Variants in FANCL observed in about 807,000 individuals in gnomAD.
The protein encoded by FANCL is FA complementation group L.
Under a neutral mutation model 59.4 loss-of-function variants are expected in FANCL, and 69 were observed. That is an observed-to-expected ratio of 1.16 (90% CI 0.96 to 1.42). The LOEUF (loss-of-function observed/expected upper bound fraction) is 1.42. Ranked by LOEUF, FANCL falls within the 40% of genes most tolerant of loss-of-function variation. The pLI, the probability that FANCL is intolerant of heterozygous loss-of-function variation, is 0.00. For synonymous variants in FANCL, 180 were observed against 147.1 expected, an observed-to-expected ratio of 1.22 and a Z score of -1.62; for missense variants, 519 against 447.2, an observed-to-expected ratio of 1.16 and a Z score of -1.45.
intron 7 of FANCL, among the ~76,000 whole-genome samples, chr2:58,178,462 CAG>C (rs1687589990): frequency 6.6e-6 from 1 of 152,150 alleles, no homozygotes; most frequent in Admixed American, 6.5e-5. Context: ...ATCACACAAA[CAG>C]AACCAAAAAC....
At chr2:58,176,943 A>G (rs1275625170) in intron 7 of FANCL, among the ~76,000 whole-genome samples, 1 of 152,102 alleles carries the variant, frequency 6.6e-6, no homozygotes, top group Admixed American at 6.5e-5. Context: ...AGAAAAAAAC[A>G]AACAACCCCA....
chr2:58,194,248 ACATCCATTTTTG>A, intron 7 of FANCL: 1 of 471,134 alleles, frequency 2.1e-6, no homozygotes, highest in East Asian at 6.9e-5. Flanking sequence ...CGCAATTTTC[ACATCCATTTTTG>A]CTTGATCAGT....
At chr2:58,171,670 G>T (rs1300004193) in intron 7 of FANCL, among the ~76,000 whole-genome samples, 1 of 152,204 alleles carries the variant, frequency 6.6e-6, no homozygotes. Context: ...AGCTCCCAGG[G>T]TGAGCGACGC....
intron 4 of FANCL, among the ~76,000 whole-genome samples, chr2:58,224,706 TAGAC>T (rs992897847): frequency 4.6e-5 from 7 of 151,672 alleles, no homozygotes; most frequent in African/African-American, 1.2e-4. Context: ...TAACAACACA[TAGAC>T]AGGAAAAGCA....
intron 7 of FANCL, among the ~76,000 whole-genome samples, chr2:58,182,248 T>C (rs1307065202): frequency 6.6e-6 from 1 of 151,872 alleles, no homozygotes; most frequent in Non-Finnish European, 1.5e-5. Context: ...ATACAAATTC[T>C]ATTCCACCCA....
chr2:58,223,082 C>T (rs776061969), intron 4 of FANCL, among the ~76,000 whole-genome samples: 5 of 147,578 alleles, frequency 3.4e-5, no homozygotes, highest in Admixed American at 6.8e-5. Context: ...AACAGCACTT[C>T]AAAACCAAAA....
chr2:58,208,681 T>A (rs1181983895), intron 5 of FANCL, among the ~76,000 whole-genome samples: 7 of 152,172 alleles, frequency 4.6e-5, no homozygotes, highest in African/African-American at 1.7e-4. Flanking sequence ...GCATCCAAGT[T>A]TCCACTTTTA....
rs574714203 is a variant in FANCL, at chr2:58,204,331, A to C, written c.375-105T>G. On this transcript the variant is annotated intron_variant, in intron 5 of 13. Transcript: ENST00000233741. The stretch of plus-strand genomic sequence containing the variant: ...GAAAATATTTGCTATATTCCTATTA[A>C]TCCATTATAAAAATCAGAGCAATTT... 3.5e-5 allele frequency: 31 copies of C among 888,198 alleles called. No individual in the cohort carries two copies. In the South Asian group the frequency reaches 3.7e-4, roughly 11 times the overall value. The allele number at this position is 888,198 out of a possible 1,614,324, so 55.0% of individuals were successfully genotyped here. A position where few individuals can be genotyped will look rare whatever the true frequency, so the allele number is the denominator to read the frequency against.
chr2:58,177,570 G>C (rs1286622669), intron 7 of FANCL, among the ~76,000 whole-genome samples: 1 of 136,752 alleles, frequency 7.3e-6, no homozygotes, highest in Non-Finnish European at 1.5e-5. Context: ...TCATAGGTGG[G>C]AATTGAACAA....
At chr2:58,224,437 G>T (rs1692779734) in intron 4 of FANCL, among the ~76,000 whole-genome samples, 1 of 151,498 alleles carries the variant, frequency 6.6e-6, no homozygotes, top group South Asian at 2.1e-4. Flanking sequence ...TATTAATTAG[G>T]ATTTATGAAC....
intron 7 of FANCL, among the ~76,000 whole-genome samples, chr2:58,191,837 A>G (rs1688951349): frequency 6.6e-6 from 1 of 151,980 alleles, no homozygotes; most frequent in Non-Finnish European, 1.5e-5. Flanking sequence ...GTACATTTGT[A>G]CAGCATTTTA....
intron 7 of FANCL, among the ~76,000 whole-genome samples, chr2:58,173,294 A>G (rs923170469): frequency 3.3e-5 from 5 of 152,232 alleles, no homozygotes; most frequent in African/African-American, 1.2e-4. Flanking sequence ...GAATGCCACA[A>G]AGATACTCTC....
intron 7 of FANCL, among the ~76,000 whole-genome samples, chr2:58,177,300 T>C (rs1317734329): frequency 6.6e-6 from 1 of 152,170 alleles, no homozygotes; most frequent in African/African-American, 2.4e-5. Context: ...CAAAGGACTA[T>C]AAATCATGCT....
intron 7 of FANCL, among the ~76,000 whole-genome samples, chr2:58,173,195 C>T (rs1686864613): frequency 6.6e-6 from 1 of 152,186 alleles, no homozygotes; most frequent in South Asian, 2.1e-4. Flanking sequence ...ACAATGGAAC[C>T]AAGTTGGAAA....
At chr2:58,183,784 A>C (rs1213551613) in intron 7 of FANCL, among the ~76,000 whole-genome samples, 1 of 151,982 alleles carries the variant, frequency 6.6e-6, no homozygotes, top group East Asian at 1.9e-4. Flanking sequence ...ATAGCAAAAA[A>C]ATACATTAAA....
intron 5 of FANCL, 31 bp downstream of exon 5, chr2:58,221,911 G>T: frequency 7.1e-7 from 1 of 1,406,448 alleles, no homozygotes; most frequent in Non-Finnish European, 1.0e-6. Context: ...TAAAACAAAG[G>T]CATTTAAAAC....
intron 7 of FANCL, among the ~76,000 whole-genome samples, chr2:58,172,537 G>C (rs1410545472): frequency 6.6e-6 from 1 of 152,194 alleles, no homozygotes; most frequent in Non-Finnish European, 1.5e-5. Context: ...CTGCAGCTGA[G>C]GGTCTCTGTT....
At position 58,165,736 on chromosome 2, in the gene FANCL, T is replaced by G; in HGVS notation, c.679A>C (p.Arg227=). The G allele has an allele frequency of 6.2e-7, 1 of 1,614,144 alleles. No homozygotes were observed. The highest frequency in any genetic ancestry group is 8.5e-7 in the Non-Finnish European group (1 of 1,179,974). ...TCCTTGTCCCTACCTAATGCAATTC[T>G]GCGTGCTGTTGCACTCCGTGGAGGT... ...EKPPRSATAR[R]IALGNNVSIN... The change falls in exon 8 of 14, where the codon AGA becomes CGA. Residue 227 remains arginine (R), a synonymous_variant. Transcript: ENST00000233741.
chr2:58,201,138 C>G (rs574048703), intron 6 of FANCL, among the ~76,000 whole-genome samples: 25 of 149,564 alleles, frequency 1.7e-4, no homozygotes, highest in Non-Finnish European at 3.4e-4. Context: ...TGACTAAATA[C>G]AATATAAGAA....
Sources: allele counts gnomAD v4.1 joint callset (sites outside exome capture counted in the v4.1 genomes callset), GRCh38; gene constraint gnomAD v4.1.1; transcripts MANE v1.5; gene names NCBI Gene and HGNC (gene_info 2026-07-23, HGNC 2026-07-21).